The following FAT4 variants were observed in gnomAD, a reference collection of about 807,000 sequenced individuals.
The protein encoded by FAT4 is FAT atypical cadherin 4.
Under a neutral mutation model 303.9 loss-of-function variants are expected in FAT4, and 84 were observed. The observed-to-expected ratio is 0.28, with a 90% CI of 0.23 to 0.33. The LOEUF (loss-of-function observed/expected upper bound fraction) is 0.33. Ranked by LOEUF, FAT4 falls within the 10% of genes least tolerant of loss-of-function variation. The probability of loss-of-function intolerance (pLI) is 1.00; values close to 1 mark genes in which losing one functional copy is unlikely to be tolerated. For synonymous variants in FAT4, 2,307 were observed against 2,298.8 expected, an observed-to-expected ratio of 1.00 and a Z score of -0.10; for missense variants, 6,005 against 6,146.8, an observed-to-expected ratio of 0.98 and a Z score of 0.77.
chr4:125,445,253 T>G (rs1253599085), intron 8 of FAT4, among the ~76,000 whole-genome samples: 1 of 152,136 alleles, frequency 6.6e-6, no homozygotes, highest in Non-Finnish European at 1.5e-5. Context: ...ATTATTTCAC[T>G]AAAGTAGGAT....
chr4:125,454,607 G>T (rs1273115672), intron 10 of FAT4, among the ~76,000 whole-genome samples: 1 of 152,178 alleles, frequency 6.6e-6, no homozygotes, highest in Admixed American at 6.5e-5. Flanking sequence ...GCTGAGGCAG[G>T]TGGATCACCT....
chr4:125,490,345 T>G lies in FAT4; in HGVS notation c.13529T>G (p.Ile4510Ser). The change falls in exon 18 of 18, where the codon ATC becomes AGC. Residue 4510 changes from isoleucine to serine, a missense_variant. Transcript: ENST00000394329. ...ISLPLWAVPA[I>S]VGSCATVLAL... ...CTGCCTTTGTGGGCTGTGCCTGCCATCGTGGGCAGCTGCGCAACCGTCTTG... is the reference window on the plus strand; with the variant it reads ...CTGCCTTTGTGGGCTGTGCCTGCCAGCGTGGGCAGCTGCGCAACCGTCTTG... 1 of 1,614,120 alleles carries G rather than the reference T, an allele frequency of 6.2e-7. No individual in the cohort carries two copies. Among genetic ancestry groups the G allele is most frequent in the Non-Finnish European group, 8.5e-7 (1 of 1,180,026 alleles).
Position 125,320,715 on chromosome 4 carries a change from T to C in FAT4, c.4304T>C (p.Ile1435Thr), listed in dbSNP as rs1385540385. The C allele has an allele frequency of 1.9e-6, 3 of 1,613,982 alleles. No homozygotes were observed. Among genetic ancestry groups the C allele is most frequent in the Non-Finnish European group, 1.7e-6 (2 of 1,179,948 alleles). ...AAGTCTATTGTTGAGAACATTCCCA[T>C]CGGTACATCTGTCATTTCAGTGACT... ...IFKSIVENIP[I>T]GTSVISVTAH... Residue 1435 changes from isoleucine (I) to threonine (T), a missense_variant, in exon 2 of 18, where the codon ATC becomes ACC. Coordinates refer to ENST00000394329, the MANE Select transcript of FAT4 (RefSeq NM_001291303.3).
chr4:125,373,571 A>C (rs1369072517), intron 2 of FAT4, among the ~76,000 whole-genome samples: 1 of 152,234 alleles, frequency 6.6e-6, no homozygotes, highest in Non-Finnish European at 1.5e-5. Context: ...ATGAAATTTA[A>C]GTGTACTATT....
chr4:125,348,824 A>T (rs553533968), intron 2 of FAT4, among the ~76,000 whole-genome samples: 1 of 151,898 alleles, frequency 6.6e-6, no homozygotes, highest in Non-Finnish European at 1.5e-5. Context: ...AGGATAATTT[A>T]TATTTTAGTG....
chr4:125,470,315 G>T (rs557424965), intron 12 of FAT4, among the ~76,000 whole-genome samples: 1 of 152,272 alleles, frequency 6.6e-6, no homozygotes, highest in East Asian at 1.9e-4. Flanking sequence ...AAGGAGCACT[G>T]GTTTCAATTT....
chr4:125,429,417 T>G (rs909235097), intron 7 of FAT4, among the ~76,000 whole-genome samples: 1 of 152,148 alleles, frequency 6.6e-6, no homozygotes, highest in Non-Finnish European at 1.5e-5. Context: ...ACGTTGATAA[T>G]TATAATAATA....
intron 12 of FAT4, among the ~76,000 whole-genome samples, chr4:125,472,273 A>G (rs1366143611): frequency 6.6e-6 from 1 of 152,164 alleles, no homozygotes; most frequent in Non-Finnish European, 1.5e-5. Context: ...CAATCTTTAA[A>G]ATATATGACA....
chr4:125,488,118 G>C (rs1283323629), intron 17 of FAT4, among the ~76,000 whole-genome samples: 2 of 152,196 alleles, frequency 1.3e-5, no homozygotes. Context: ...CTGTGGAATT[G>C]ACATGTATAC....
chr4:125,475,165 C>T (rs1174940217), intron 12 of FAT4, among the ~76,000 whole-genome samples: 1 of 152,042 alleles, frequency 6.6e-6, no homozygotes, highest in Admixed American at 6.6e-5. Flanking sequence ...ACACTCCATC[C>T]TTCTTACAAT....
rs1725935029 is a variant in FAT4, at chr4:125,449,044, T to C, written c.8034T>C (p.Ser2678=). The C allele has an allele frequency of 6.2e-7, 1 of 1,613,884 alleles. No individual in the cohort carries two copies. The highest frequency in any genetic ancestry group is 1.3e-5 in the African/African-American group (1 of 75,006). Residue 2678 remains serine, a synonymous_variant, in exon 10 of 18, where the codon TCT becomes TCC. Transcript: ENST00000394329. ...APIFKEDPFI[S]EILENLSPRK... is the part of the protein sequence containing the mutation. Reference sequence around the variant, plus strand: ...TTTTTAAGGAAGACCCATTTATATCTGAAATATTGGAAAACCTTTCCCCTC... The same window carrying C: ...TTTTTAAGGAAGACCCATTTATATCCGAAATATTGGAAAACCTTTCCCCTC...
intron 3 of FAT4, among the ~76,000 whole-genome samples, chr4:125,400,743 A>C (rs1509297): frequency 1.3e-5 from 2 of 152,032 alleles, no homozygotes; most frequent in African/African-American, 4.8e-5. Flanking sequence ...AACCTTGCAG[A>C]TGTTATCACT....
chr4:125,317,242 G>A lies in FAT4; in HGVS notation c.831G>A (p.Ala277=), dbSNP rs142490028. The A allele has an allele frequency of 6.2e-3, 9,848 of 1,578,720 alleles. 424 individuals carry two copies. In the East Asian group the frequency reaches 0.069, roughly 11 times the overall value. The change falls in exon 2 of 18, where the codon GCG becomes GCA. Residue 277 remains alanine, a synonymous_variant. Transcript: ENST00000394329. This position sits in a 1 kb window ranked among gnomAD's most constrained non-coding sequence, Gnocchi z 7.0. ...SSVLQVAAAD[A]DEGTNADIRY... ...TCCTCCAGGTGGCGGCGGCGGACGC[G>A]GACGAGGGCACCAACGCGGACATCC...
intron 2 of FAT4, among the ~76,000 whole-genome samples, chr4:125,332,539 G>GATTTCATTCAGTGTTTT (rs1370831146): frequency 2.6e-5 from 4 of 152,024 alleles, no homozygotes; most frequent in Admixed American, 6.6e-5. Flanking sequence ...AATTTGATTT[G>GATTTCATTCAGTGTTTT]ATTTCATTCA....
At chr4:125,366,213 T>C (rs1197071958) in intron 2 of FAT4, among the ~76,000 whole-genome samples, 1 of 152,188 alleles carries the variant, frequency 6.6e-6, no homozygotes, top group Non-Finnish European at 1.5e-5. Context: ...TTAAGGCTAG[T>C]ACCCATTAGT....
intron 2 of FAT4, among the ~76,000 whole-genome samples, chr4:125,352,010 A>G (rs1411040705): frequency 6.6e-6 from 1 of 151,672 alleles, no homozygotes; most frequent in Non-Finnish European, 1.5e-5. Flanking sequence ...ATTTCAATAA[A>G]CAGTAGATAT....
Position 125,434,228 on chromosome 4 carries a change from T to C in FAT4, c.7019-17T>C. 1 of 1,603,538 alleles carries C rather than the reference T, an allele frequency of 6.2e-7. No individual in the cohort carries two copies. The highest frequency in any genetic ancestry group is 8.5e-7 in the Non-Finnish European group (1 of 1,174,172). On this transcript the variant is annotated splice_polypyrimidine_tract_variant and intron_variant, in intron 7 of 17. Transcript: ENST00000394329. ...TTTGTTTATAAACATTGAGACTTGA[T>C]TTTCTTTTCTTTTTAGGATCCCCTG... is the stretch of plus-strand genomic sequence containing the variant.
chr4:125,317,474 T>C lies in FAT4; in HGVS notation c.1063T>C (p.Phe355Leu), dbSNP rs1471671726. The C allele has an allele frequency of 1.2e-6, 2 of 1,613,580 alleles. No homozygotes were observed. Among genetic ancestry groups the C allele is most frequent in the East Asian group, 4.5e-5 (2 of 44,878 alleles). Residue 355 changes from phenylalanine to leucine, a missense_variant, in exon 2 of 18, where the codon TTC becomes CTC. Physicochemically the swap from Phe to Leu is conservative, Grantham distance 22 (BLOSUM62 0). Coordinates refer to ENST00000394329, the MANE Select transcript of FAT4 (RefSeq NM_001291303.3). The surrounding 1 kb of genome is among the most constrained non-coding windows in gnomAD (Gnocchi z 7.0). Reference protein sequence around the residue: ...DVNDNDPVVKFRYFPATSRYA... With the variant: ...DVNDNDPVVKLRYFPATSRYA... ...GAATGACAATGACCCGGTAGTGAAG[T>C]TCCGCTACTTCCCGGCCACCTCGCG...
At chr4:125,441,884 T>C (rs1202836864) in intron 8 of FAT4, among the ~76,000 whole-genome samples, 1 of 152,296 alleles carries the variant, frequency 6.6e-6, no homozygotes, top group East Asian at 1.9e-4. Flanking sequence ...TTTGCTCAAT[T>C]TATTCTATAT....
Sources: allele counts gnomAD v4.1 joint callset (sites outside exome capture counted in the v4.1 genomes callset), GRCh38; gene constraint gnomAD v4.1.1; non-coding constraint Gnocchi (gnomAD v3.1); transcripts MANE v1.5; gene names NCBI Gene and HGNC (gene_info 2026-07-23, HGNC 2026-07-21).